MIS18BP1: variants seen among roughly 807,000 people sequenced by gnomAD.
MIS18BP1 encodes mis18-binding protein 1.
A neutral mutation model predicts 116.1 loss-of-function variants in MIS18BP1; 72 were observed. The ratio of observed to expected loss-of-function variants is 0.62; its 90% CI spans 0.51 to 0.75. The LOEUF (loss-of-function observed/expected upper bound fraction) is 0.75. Ranked by LOEUF, MIS18BP1 falls within the 30% of genes least tolerant of loss-of-function variation. MIS18BP1 has a pLI of 0.00. For synonymous variants in MIS18BP1, 386 were observed against 427.0 expected (o/e 0.90, Z 1.18); for missense variants, 1,363 against 1,303.2 (o/e 1.05, Z -0.71).
In MIS18BP1 at chr14:45,224,755, T is replaced by C; in HGVS notation, c.1841-9A>G. ...CAATTCTTCAGTTGTCTCTTTAATT[T>C]CATAAGACAAAACCAAAGACCAAAA... On this transcript the variant is annotated splice_polypyrimidine_tract_variant and intron_variant, in intron 10 of 16. Transcript: ENST00000310806. 6.5e-7 allele frequency: 1 copy of C among 1,540,214 alleles called. No homozygotes were observed. The highest frequency in any genetic ancestry group is 2.3e-5 in the East Asian group (1 of 44,060).
At chr14:45,236,042 G>A (rs1473637972) in intron 5 of MIS18BP1, 98 bp from the exon 6 acceptor site, 1 of 1,067,736 alleles carries the variant, frequency 9.4e-7, no homozygotes, top group East Asian at 2.7e-5. Context: ...CACTAAGAAT[G>A]TTATTAGTCT....
Position 45,242,536 on chromosome 14 carries a change from C to T in MIS18BP1, c.659-18G>A, listed in dbSNP as rs755983232. ...TGGAAGTTCTGCAAAAAATACAAAA[C>T]AAAACAAAACAAAACAATTATAGAA... On this transcript the variant is annotated intron_variant, in intron 3 of 16. Transcript: ENST00000310806. 1 of 1,544,972 alleles carries T rather than the reference C, an allele frequency of 6.5e-7. No homozygotes were observed. Among genetic ancestry groups the T allele is most frequent in the African/African-American group, 1.4e-5 (1 of 72,042 alleles).
intron 11 of MIS18BP1, among the ~76,000 whole-genome samples, chr14:45,223,355 G>C (rs1891026560): frequency 6.6e-6 from 1 of 152,176 alleles, no homozygotes. Flanking sequence ...AAGGTGGGCG[G>C]ATCATTAGGT....
chr14:45,245,470 T>TTCTCCTGC (rs1891698592), intron 2 of MIS18BP1, among the ~76,000 whole-genome samples: 1 of 152,072 alleles, frequency 6.6e-6, no homozygotes, highest in South Asian at 2.1e-4. Flanking sequence ...GTTCAAGCAA[T>TTCTCCTGC]TCTCCTGCCT....
chr14:45,249,193 G>T (rs1226737141), intron 1 of MIS18BP1, among the ~76,000 whole-genome samples: 1 of 152,122 alleles, frequency 6.6e-6, no homozygotes, highest in Non-Finnish European at 1.5e-5. Flanking sequence ...ATGGGTTCAA[G>T]CAATTCTCCT....
intron 15 of MIS18BP1, among the ~76,000 whole-genome samples, chr14:45,204,981 C>T (rs1263847751): frequency 6.6e-6 from 1 of 151,982 alleles, no homozygotes; most frequent in Admixed American, 6.5e-5. Flanking sequence ...ACTTGAAATT[C>T]TTGGCTAAAA....
chr14:45,212,411 C>T (rs781361746), intron 13 of MIS18BP1, among the ~76,000 whole-genome samples: 1 of 152,156 alleles, frequency 6.6e-6, no homozygotes, highest in African/African-American at 2.4e-5. Context: ...AATGTTACAG[C>T]AGGTTAACTA....
Position 45,224,625 on chromosome 14 carries a change from T to C in MIS18BP1, c.1962A>G (p.Pro654=). The C allele has an allele frequency of 1.2e-6, 2 of 1,613,778 alleles. No individual in the cohort carries two copies. The highest frequency in any genetic ancestry group is 1.7e-6 in the Non-Finnish European group (2 of 1,179,882). ...NQKKAYILVT[P]LKSRKVIEQR... is the part of the protein sequence containing the mutation. ...GCTCTATCACTTTTCTAGATTTAAG[T>C]GGTGTTACTAAAATATAAGCTTTCT... Residue 654 remains proline, a synonymous_variant, in exon 11 of 17, where the codon CCA becomes CCG. Coordinates refer to ENST00000310806, the MANE Select transcript of MIS18BP1 (RefSeq NM_018353.5).
Position 45,247,179 on chromosome 14 carries a change from T to C in MIS18BP1, c.108A>G (p.Ser36=), listed in dbSNP as rs948822064. The change falls in exon 2 of 17, where the codon TCA becomes TCG. Residue 36 remains serine, a synonymous_variant. Transcript: ENST00000310806. ...AATCTTTTACAGGAGTAAGTGTGCC[T>C]GAAGGAATGCTGTCAAAAAAGATTG... is the stretch of plus-strand genomic sequence containing the variant. ...MDAIFFDSIP[S]GTLTPVKDLV... is the part of the protein sequence containing the mutation. The C allele has an allele frequency of 4.3e-6, 7 of 1,613,024 alleles. No individual in the cohort carries two copies. Among genetic ancestry groups the C allele is most frequent in the Non-Finnish European group, 8.5e-7 (1 of 1,179,948 alleles).
At chr14:45,237,542 T>C (rs947420666) in intron 5 of MIS18BP1, 106 bp downstream of exon 5, 1 of 1,358,858 alleles carries the variant, frequency 7.4e-7, no homozygotes. Flanking sequence ...TTCATAACCT[T>C]GTTAGGTCTT....
At chr14:45,218,937 G>A (rs1890897799) in intron 11 of MIS18BP1, among the ~76,000 whole-genome samples, 1 of 142,996 alleles carries the variant, frequency 7.0e-6, no homozygotes, top group African/African-American at 2.5e-5. Flanking sequence ...GTAGAACTCA[G>A]TATTTTAGAT....
intron 1 of MIS18BP1, among the ~76,000 whole-genome samples, chr14:45,247,855 A>C (rs2139253137): frequency 6.6e-6 from 1 of 152,316 alleles, no homozygotes; most frequent in Admixed American, 6.5e-5. Context: ...AAAAGCTAAA[A>C]AAATACTATT....
intron 15 of MIS18BP1, among the ~76,000 whole-genome samples, chr14:45,205,202 C>CTGAGA (rs1890481423): frequency 6.6e-6 from 1 of 151,946 alleles, no homozygotes. Flanking sequence ...GTATTTTTTT[C>CTGAGA]TGAGATGAGG....
At chr14:45,209,800 T>G (rs887513356) in intron 14 of MIS18BP1, among the ~76,000 whole-genome samples, 1 of 152,238 alleles carries the variant, frequency 6.6e-6, no homozygotes, top group Non-Finnish European at 1.5e-5. Flanking sequence ...ACTTACAAAT[T>G]GTTGCTGCAA....
chr14:45,210,835 T>A (rs1016608997), intron 13 of MIS18BP1, among the ~76,000 whole-genome samples: 2 of 152,156 alleles, frequency 1.3e-5, no homozygotes, highest in East Asian at 3.9e-4. Flanking sequence ...ATACTTACCA[T>A]AAATACAGCC....
intron 1 of MIS18BP1, 100 bp downstream of exon 1, chr14:45,252,935 A>T (rs1283645615): frequency 6.6e-6 from 1 of 152,278 alleles, no homozygotes; most frequent in Non-Finnish European, 1.5e-5. Flanking sequence ...TACAAAAAAA[A>T]TAAATAAAAC....
rs1409028022 is a variant in MIS18BP1 at position 45,204,073 on chromosome 14, T to A, written c.*36A>T. On this transcript the variant is annotated 3_prime_UTR_variant, in exon 17 of 17. Coordinates refer to ENST00000310806, the MANE Select transcript of MIS18BP1 (RefSeq NM_018353.5). ...GAAAATACAAACACTGTCTGCTTTA[T>A]GGTAAAAATCCCAGGAATCATATTT... 6.3e-7 allele frequency: 1 copy of A among 1,598,978 alleles called. No individual in the cohort carries two copies. Among genetic ancestry groups the A allele is most frequent in the South Asian group, 1.1e-5 (1 of 88,020 alleles).
rs778845668 is a variant in MIS18BP1, at chr14:45,224,309, T to G, written c.2278A>C (p.Met760Leu). Residue 760 changes from methionine (M) to leucine (L), a missense_variant, in exon 11 of 17, where the codon ATG (methionine) becomes CTG (leucine). By Grantham distance (15) the Met-to-Leu change is conservative. Transcript: ENST00000310806. ...KLKKIENQVA[M>L]SFYKHQSSPD... ...GAGGACTGATGCTTATAAAATGACA[T>G]AGCTACCTGATTTTCTATTTTCTTC... The G allele has an allele frequency of 4.6e-5, 75 of 1,613,858 alleles. No individual in the cohort carries two copies. The highest frequency in any genetic ancestry group is 1.6e-4 in the Middle Eastern group (1 of 6,080).
rs867413948 is a variant in MIS18BP1, at chr14:45,204,213, CT to C, written c.3296-2del. The C allele has an allele frequency of 1.9e-6, 3 of 1,596,678 alleles. No individual in the cohort carries two copies. Among genetic ancestry groups the C allele is most frequent in the Non-Finnish European group, 2.6e-6 (3 of 1,174,820 alleles). On this transcript the variant is annotated splice_acceptor_variant, in intron 16 of 16. Coordinates refer to ENST00000310806, the MANE Select transcript of MIS18BP1 (RefSeq NM_018353.5). LOFTEE classifies it high-confidence loss of function. ...CCAATACCAGAGTTTTCTCCTAAGT[CT>C]GTAAAGAGAAGTTTAATAAAAAGAT...
Sources: gnomAD v4.1 joint callset for allele counts (sites outside exome capture counted in the v4.1 genomes callset) on GRCh38, gnomAD v4.1.1 for gene constraint, MANE v1.5 for transcripts, NCBI Gene and HGNC (gene_info 2026-07-23, HGNC 2026-07-21) for gene names.